The following CLDN10 variants were observed in gnomAD, a reference collection of about 807,000 sequenced individuals.
The protein encoded by CLDN10 is claudin 10.
A neutral mutation model predicts 22.9 loss-of-function variants in CLDN10; 15 were observed. That is an observed-to-expected ratio of 0.65 (90% CI 0.44 to 1.01). The LOEUF is 1.01. Ranked by LOEUF, CLDN10 falls within the 50% of genes least tolerant of loss-of-function variation. The probability of loss-of-function intolerance (pLI) is 0.00; values close to 1 mark genes in which losing one functional copy is unlikely to be tolerated. For missense variants in CLDN10, 247 were observed against 287.8 expected (o/e 0.86, Z 1.03); for synonymous variants, 114 against 111.4 (o/e 1.02, Z -0.15).
At chr13:95,520,784 C>G (rs1273655507) in intron 1 of CLDN10, among the ~76,000 whole-genome samples, 1 of 152,014 alleles carries the variant, frequency 6.6e-6, no homozygotes, top group Non-Finnish European at 1.5e-5. Flanking sequence ...AGACCAAGAC[C>G]ATCCTCGCCA....
chr13:95,526,502 ACAGT>A (rs2043282371), intron 1 of CLDN10, among the ~76,000 whole-genome samples: 2 of 152,332 alleles, frequency 1.3e-5, no homozygotes, highest in South Asian at 2.1e-4. Flanking sequence ...GATGGATCTC[ACAGT>A]CAGTCTCTTG....
chr13:95,462,201 CATTA>C (rs1202493134), intron 1 of CLDN10, among the ~76,000 whole-genome samples: 1 of 152,176 alleles, frequency 6.6e-6, no homozygotes, highest in Non-Finnish European at 1.5e-5. Flanking sequence ...CTGAGTCCTG[CATTA>C]ATTAATCATA....
rs561863118 is a variant in CLDN10, at chr13:95,538,170, T to C, written c.215-21962T>C. Among the ~76,000 whole-genome samples, 88 of 142,618 alleles carry C rather than the reference T, an allele frequency of 6.2e-4. No individual in the cohort carries two copies. In the East Asian group the frequency reaches 0.018, roughly 28 times the overall value. 93.6% of individuals were successfully genotyped at this position (142,618 alleles called of 152,430 possible). ...GTTTATTTCTTTTTTTTTTTTTTTT[T>C]TTTTTTTTTTTGAGACATGCAATGG... is the stretch of plus-strand genomic sequence containing the variant. On this transcript the variant is annotated intron_variant, in intron 1 of 4. Coordinates refer to the CLDN10 transcript ENST00000376873.
At chr13:95,557,645 G>A (rs538396743) in intron 1 of CLDN10, among the ~76,000 whole-genome samples, 6 of 152,194 alleles carry the variant, frequency 3.9e-5, no homozygotes, top group African/African-American at 1.4e-4. Flanking sequence ...TTCCAAATCC[G>A]GGTTCTGGTT....
At chr13:95,529,739 T>A (rs1470644002) in intron 1 of CLDN10, among the ~76,000 whole-genome samples, 1 of 152,228 alleles carries the variant, frequency 6.6e-6, no homozygotes, top group Non-Finnish European at 1.5e-5. Flanking sequence ...CCAGGATTTT[T>A]ATACAAATAA....
chr13:95,569,575 G>A (rs1265691796), intron 3 of CLDN10, among the ~76,000 whole-genome samples: 2 of 151,920 alleles, frequency 1.3e-5, no homozygotes, highest in Non-Finnish European at 2.9e-5. Flanking sequence ...CAGAGGGAGT[G>A]AGACTCTGCC....
At chr13:95,569,041 T>C (rs1319476858) in intron 3 of CLDN10, among the ~76,000 whole-genome samples, 2 of 152,152 alleles carry the variant, frequency 1.3e-5, no homozygotes, top group South Asian at 2.1e-4. Flanking sequence ...TTAAATGAGA[T>C]AGTATACTTC....
At chr13:95,478,685 A>G (rs1198405359) in intron 1 of CLDN10, among the ~76,000 whole-genome samples, 1 of 152,114 alleles carries the variant, frequency 6.6e-6, no homozygotes, top group Non-Finnish European at 1.5e-5. Context: ...GGATGCTTGT[A>G]TTCTGCTTCC....
chr13:95,462,435 AT>A (rs1383567095), intron 1 of CLDN10, among the ~76,000 whole-genome samples: 1 of 152,294 alleles, frequency 6.6e-6, no homozygotes, highest in Non-Finnish European at 1.5e-5. Context: ...TTCTGTAAAC[AT>A]TTTTCAGAAG....
rs1488649282 is a variant in CLDN10, at chr13:95,482,305, TG to T, written c.214+48262del. Among the ~76,000 whole-genome samples, 14 of 152,238 alleles carry T rather than the reference TG, an allele frequency of 9.2e-5. No individual in the cohort carries two copies. The South Asian group carries it at 1.0e-3, about 11-fold the overall frequency. On this transcript the variant is annotated intron_variant, in intron 1 of 4. Transcript: ENST00000376873. ...TAGGCTATACAGAAACAGGTCTGGA[TG>T]GGGAGGTTAGATTTGGCCCAAAGTC...
At chr13:95,577,032 T>C (rs975474857) in intron 3 of CLDN10, among the ~76,000 whole-genome samples, 199 bp from the exon 4 acceptor site, 1 of 152,216 alleles carries the variant, frequency 6.6e-6, no homozygotes, top group Non-Finnish European at 1.5e-5. Flanking sequence ...TTTCAGGATG[T>C]TGGGATGGTC....
chr13:95,474,623 A>G (rs2042667279), intron 1 of CLDN10, among the ~76,000 whole-genome samples: 1 of 152,266 alleles, frequency 6.6e-6, no homozygotes, highest in African/African-American at 2.4e-5. Flanking sequence ...AACAAATCCA[A>G]GAAGAAGCTG....
intron 1 of CLDN10, among the ~76,000 whole-genome samples, chr13:95,540,595 TG>T (rs1338125600): frequency 6.6e-6 from 1 of 152,232 alleles, no homozygotes; most frequent in East Asian, 1.9e-4. Flanking sequence ...TTGGCATATA[TG>T]CATTCTTTGA....
At chr13:95,544,517 C>A (rs546932590) in intron 1 of CLDN10, among the ~76,000 whole-genome samples, 1 of 152,196 alleles carries the variant, frequency 6.6e-6, no homozygotes, top group South Asian at 2.1e-4. Flanking sequence ...TGTTTTTATT[C>A]ATTCTTTACA....
At chr13:95,523,789 G>A (rs1313824331) in intron 1 of CLDN10, among the ~76,000 whole-genome samples, 1 of 152,038 alleles carries the variant, frequency 6.6e-6, no homozygotes, top group African/African-American at 2.4e-5. Flanking sequence ...TCTTGACTTT[G>A]GCACGCTTTA....
At chr13:95,450,431 G>C (rs78628387) in intron 1 of CLDN10, among the ~76,000 whole-genome samples, 1 of 152,136 alleles carries the variant, frequency 6.6e-6, no homozygotes, top group East Asian at 1.9e-4. Context: ...TCTTTTTCTC[G>C]TGTTGCTCTG....
chr13:95,543,450 A>G (rs2043479267), intron 1 of CLDN10, among the ~76,000 whole-genome samples: 1 of 152,212 alleles, frequency 6.6e-6, no homozygotes, highest in Non-Finnish European at 1.5e-5. Flanking sequence ...TAGGAAAAAG[A>G]GTAAAAGAAA....
chr13:95,515,596 A>G (rs1415466982), intron 1 of CLDN10, among the ~76,000 whole-genome samples: 1 of 152,132 alleles, frequency 6.6e-6, no homozygotes, highest in Non-Finnish European at 1.5e-5. Context: ...GCCCTAACCA[A>G]GAGAAACTGT....
intron 1 of CLDN10, among the ~76,000 whole-genome samples, chr13:95,525,684 G>A (rs1354916693): frequency 1.3e-5 from 2 of 151,986 alleles, no homozygotes; most frequent in Admixed American, 6.6e-5. Flanking sequence ...TAGAGACCAG[G>A]TTTTGCCATA....
Sources: allele counts gnomAD v4.1 joint callset (sites outside exome capture counted in the v4.1 genomes callset), GRCh38; gene constraint gnomAD v4.1.1; transcripts MANE v1.5; gene names NCBI Gene and HGNC (gene_info 2026-07-23, HGNC 2026-07-21).